SLC25A15: variants seen among roughly 807,000 people sequenced by gnomAD.
SLC25A15 encodes the protein mitochondrial ornithine transporter 1.
SLC25A15 carries 24 observed loss-of-function variants against 32.3 expected under a neutral mutation model. That is an observed-to-expected ratio of 0.74 (90% CI 0.54 to 1.04). The LOEUF is 1.04. SLC25A15 is among the 50% of genes least tolerant of loss of function. The probability of loss-of-function intolerance (pLI) is 0.00; values close to 1 mark genes in which losing one functional copy is unlikely to be tolerated. For synonymous variants in SLC25A15, 132 were observed against 142.1 expected, an observed-to-expected ratio of 0.93 and a Z score of 0.51; for missense variants, 317 against 374.5, an observed-to-expected ratio of 0.85 and a Z score of 1.27.
chr13:40,809,660 C>T lies in SLC25A15; in HGVS notation c.899C>T (p.Ala300Val), dbSNP rs1484370916. The change falls in exon 7 of 7, where the codon GCA (alanine) becomes GTA (valine). Residue 300 changes from alanine to valine, a missense_variant. Ala to Val is a moderately conservative substitution (Grantham distance 64). Transcript: ENST00000338625. ...AAGTTGATGATGAACCAGTTGGAAG[C>T]ATACTGAAGTGTCTTGGTGGGCCTG... ...SRKLMMNQLE[A>V]Y The T allele has an allele frequency of 6.2e-7, 1 of 1,613,148 alleles. No individual in the cohort carries two copies. Among genetic ancestry groups the T allele is most frequent in the African/African-American group, 1.3e-5 (1 of 74,866 alleles).
At chr13:40,790,893 T>C (rs1157387257) in intron 1 of SLC25A15, among the ~76,000 whole-genome samples, 6 of 152,196 alleles carry the variant, frequency 3.9e-5, no homozygotes, top group Non-Finnish European at 5.9e-5. Context: ...GGCCTATTTG[T>C]AGAATTTAAT....
chr13:40,808,719 G>A, intron 6 of SLC25A15, 123 bp downstream of exon 6: 1 of 767,390 alleles, frequency 1.3e-6, no homozygotes, highest in Non-Finnish European at 2.1e-6. Flanking sequence ...GGATCATGAG[G>A]TCAGGAGATC....
chr13:40,798,279 C>A (rs78565724), intron 2 of SLC25A15, among the ~76,000 whole-genome samples: 594 of 122,758 alleles, frequency 4.8e-3, no homozygotes, highest in Middle Eastern at 8.3e-3. Context: ...GACACCATCT[C>A]AAAAAAAAAA....
At chr13:40,809,191 C>G (rs1882336782) in intron 6 of SLC25A15, among the ~76,000 whole-genome samples, 1 of 152,186 alleles carries the variant, frequency 6.6e-6, no homozygotes, top group Admixed American at 6.5e-5. Flanking sequence ...GGTTGGTGTT[C>G]CTGCCACTGC....
chr13:40,799,505 A>G (rs1881801275), intron 3 of SLC25A15, among the ~76,000 whole-genome samples, 190 bp downstream of exon 3: 1 of 152,152 alleles, frequency 6.6e-6, no homozygotes, highest in Non-Finnish European at 1.5e-5. Flanking sequence ...ATAAAAATTA[A>G]AAAAAATCTA....
rs1882403548 is a variant in SLC25A15, at chr13:40,810,526, T to A, written c.*859T>A. ...GAAAACTAAAATATCCTTCTAGATT[T>A]GTAAGACAGTATACCTGCATACTGG... On this transcript the variant is annotated 3_prime_UTR_variant, in exon 7 of 7. Transcript: ENST00000338625. Among the ~76,000 whole-genome samples, 1 of 152,206 alleles carries A rather than the reference T, an allele frequency of 6.6e-6. No homozygotes were observed. The highest frequency in any genetic ancestry group is 6.5e-5 in the Admixed American group (1 of 15,288).
At chr13:40,790,018 A>C (rs1424193664) in intron 1 of SLC25A15, among the ~76,000 whole-genome samples, 1 of 152,026 alleles carries the variant, frequency 6.6e-6, no homozygotes, top group Non-Finnish European at 1.5e-5. Context: ...GGGGCGGTGA[A>C]CGTTTAGGGT....
At chr13:40,805,362 T>A in intron 4 of SLC25A15, 107 bp downstream of exon 4, 2 of 1,256,280 alleles carry the variant, frequency 1.6e-6, no homozygotes, top group Non-Finnish European at 2.3e-6. Context: ...CCAATTTATC[T>A]ACTCCAAAAT....
At chr13:40,791,594 G>A (rs1283834392) in intron 1 of SLC25A15, among the ~76,000 whole-genome samples, 1 of 151,900 alleles carries the variant, frequency 6.6e-6, no homozygotes, top group African/African-American at 2.4e-5. Flanking sequence ...CTGACCTCGT[G>A]ATCCTCCCAC....
intron 4 of SLC25A15, among the ~76,000 whole-genome samples, chr13:40,806,987 C>G (rs1008692147): frequency 1.3e-5 from 2 of 152,214 alleles, no homozygotes; most frequent in Admixed American, 6.5e-5. Context: ...AAAACAGATC[C>G]TGTAAACACC....
At chr13:40,795,146 C>T (rs957513590) in intron 2 of SLC25A15, among the ~76,000 whole-genome samples, 7 of 152,170 alleles carry the variant, frequency 4.6e-5, no homozygotes, top group Non-Finnish European at 1.0e-4. Context: ...TCCCCCATGC[C>T]ACACTGGGGA....
intron 2 of SLC25A15, among the ~76,000 whole-genome samples, chr13:40,795,610 T>C (rs1179866907): frequency 1.3e-5 from 2 of 152,082 alleles, no homozygotes; most frequent in African/African-American, 4.8e-5. Flanking sequence ...GTGGGTAGTC[T>C]TAACTTCTGA....
chr13:40,791,987 A>G (rs1180642254), intron 1 of SLC25A15, among the ~76,000 whole-genome samples: 1 of 152,200 alleles, frequency 6.6e-6, no homozygotes, highest in African/African-American at 2.4e-5. Context: ...GATGGGTCAC[A>G]CGGCTCCTCA....
At chr13:40,799,388 T>C in intron 3 of SLC25A15, 73 bp downstream of exon 3, 2 of 1,591,916 alleles carry the variant, frequency 1.3e-6, no homozygotes, top group African/African-American at 2.7e-5. Flanking sequence ...TGGTGGCTCA[T>C]GCCTGTAATC....
At chr13:40,795,274 T>G (rs148441713) in intron 2 of SLC25A15, among the ~76,000 whole-genome samples, 1 of 152,376 alleles carries the variant, frequency 6.6e-6, no homozygotes, top group African/African-American at 2.4e-5. Context: ...TAGCCACATA[T>G]AGTCTCAGCT....
intron 3 of SLC25A15, among the ~76,000 whole-genome samples, chr13:40,801,489 T>C (rs1881889541): frequency 6.6e-6 from 1 of 152,192 alleles, no homozygotes; most frequent in Non-Finnish European, 1.5e-5. Flanking sequence ...GAGGTGCCGA[T>C]GTTGACCTGC....
chr13:40,806,077 G>A (rs768181478), intron 4 of SLC25A15, among the ~76,000 whole-genome samples: 4 of 152,162 alleles, frequency 2.6e-5, no homozygotes, highest in African/African-American at 9.7e-5. Context: ...GTTTGGAAAA[G>A]TGCCCTATTT....
intron 2 of SLC25A15, among the ~76,000 whole-genome samples, chr13:40,793,609 T>C (rs1380216670): frequency 6.6e-6 from 1 of 152,226 alleles, no homozygotes; most frequent in African/African-American, 2.4e-5. Context: ...TCCCAGTCAT[T>C]AAGCAATGCC....
In SLC25A15 at chr13:40,793,113, G is replaced by A. The variant is rs1340545403; in HGVS notation, c.-69-45G>A. 14 of 1,051,950 alleles carry A rather than the reference G, an allele frequency of 1.3e-5. No individual in the cohort carries two copies. In the Admixed American group the frequency reaches 2.7e-4, roughly 20 times the overall value. 65.2% of individuals were successfully genotyped at this position (1,051,950 alleles called of 1,614,324 possible). On this transcript the variant is annotated intron_variant, in intron 1 of 6. Coordinates refer to ENST00000338625, the MANE Select transcript of SLC25A15 (RefSeq NM_014252.4). ...ATTTGGCTGCAGGCCTAGAGAACAG[G>A]ATGCTGCAGACTTGGACTAATGGTG...
Sources: allele counts gnomAD v4.1 joint callset (sites outside exome capture counted in the v4.1 genomes callset), GRCh38; gene constraint gnomAD v4.1.1; transcripts MANE v1.5; gene names NCBI Gene and HGNC (gene_info 2026-07-23, HGNC 2026-07-21).